Variants in SLCO3A1 observed in about 807,000 individuals in gnomAD.
SLCO3A1 encodes the protein solute carrier organic anion transporter family member 3A1, also known as PGE1 transporter.
SLCO3A1 carries 27 observed loss-of-function variants against 63.1 expected under a neutral mutation model. The observed-to-expected ratio is 0.43, with a 90% CI of 0.32 to 0.59. The LOEUF (loss-of-function observed/expected upper bound fraction) is 0.59. Ranked by LOEUF, SLCO3A1 falls within the 20% of genes least tolerant of loss-of-function variation. The probability of loss-of-function intolerance (pLI) is 0.09; values close to 1 mark genes in which losing one functional copy is unlikely to be tolerated. For missense variants in SLCO3A1, 773 were observed against 945.8 expected (o/e 0.82, Z 2.40); for synonymous variants, 473 against 409.9 (o/e 1.15, Z -1.86).
intron 2 of SLCO3A1, among the ~76,000 whole-genome samples, chr15:92,049,952 G>A (rs1001950970): frequency 9.2e-5 from 14 of 152,168 alleles, no homozygotes; most frequent in Non-Finnish European, 8.8e-5. Context: ...GAACCTGAAG[G>A]AGCAGCAAAT....
intron 7 of SLCO3A1, among the ~76,000 whole-genome samples, chr15:92,134,757 A>C (rs1448586630): frequency 1.3e-5 from 2 of 152,200 alleles, no homozygotes; most frequent in Admixed American, 1.3e-4. Context: ...AGATTTTTTT[A>C]ATTTAAAAAA....
At chr15:92,103,054 A>G (rs947636132) in intron 3 of SLCO3A1, among the ~76,000 whole-genome samples, 13 of 152,246 alleles carry the variant, frequency 8.5e-5, no homozygotes, top group African/African-American at 1.2e-4. Flanking sequence ...GAAGCCCTCA[A>G]TAAACGATGG....
intron 6 of SLCO3A1, among the ~76,000 whole-genome samples, chr15:92,126,953 G>T (rs1347615090): frequency 2.6e-5 from 4 of 152,220 alleles, no homozygotes; most frequent in African/African-American, 4.8e-5. Flanking sequence ...CAGGTTACCA[G>T]TTTCTCTCTC....
chr15:91,866,756 T>C (rs1897175846), intron 1 of SLCO3A1, among the ~76,000 whole-genome samples: 1 of 151,996 alleles, frequency 6.6e-6, no homozygotes, highest in Non-Finnish European at 1.5e-5. Flanking sequence ...CATTAATGAC[T>C]CATTCATTAG....
chr15:91,931,355 A>G (rs1219528571), intron 2 of SLCO3A1, among the ~76,000 whole-genome samples: 1 of 152,202 alleles, frequency 6.6e-6, no homozygotes, highest in Non-Finnish European at 1.5e-5. Flanking sequence ...AAGCATTTTC[A>G]GAATTTGCCG....
chr15:92,083,597 A>G (rs1489980141), intron 2 of SLCO3A1, among the ~76,000 whole-genome samples: 2 of 152,200 alleles, frequency 1.3e-5, no homozygotes, highest in South Asian at 4.1e-4. Flanking sequence ...TCTTCAGAGA[A>G]TCGTATTTGT....
rs1206702977 is a variant in SLCO3A1, at chr15:91,926,602, C to T, written c.646+10144C>T. Among the ~76,000 whole-genome samples the T allele has an allele frequency of 6.8e-3, 238 of 34,876 alleles. 4 individuals carry two copies. The highest frequency in any genetic ancestry group is 0.041 in the African/African-American group (216 of 5,294). The allele number at this position is 34,876 out of a possible 152,430, so 22.9% of individuals were successfully genotyped here. ...GTGTGTGTGTGTGTGTGTGTGCGCG[C>T]GCGCACGCCCATGCTTATTTTAAAC... On this transcript the variant is annotated intron_variant, in intron 2 of 9. Transcript: ENST00000318445.
chr15:92,117,603 A>G (rs867122935), intron 4 of SLCO3A1, among the ~76,000 whole-genome samples: 49 of 152,170 alleles, frequency 3.2e-4, no homozygotes, highest in South Asian at 8.3e-4. Context: ...CATTACAAGG[A>G]GGCGCTGTTA....
chr15:92,127,791 A>G (rs761300951), intron 6 of SLCO3A1, among the ~76,000 whole-genome samples: 1 of 152,218 alleles, frequency 6.6e-6, no homozygotes, highest in African/African-American at 2.4e-5. Context: ...TAATTATTGA[A>G]GTCAGTCTGG....
chr15:91,973,171 GGGT>G (rs1344858689), intron 2 of SLCO3A1, among the ~76,000 whole-genome samples: 3 of 152,190 alleles, frequency 2.0e-5, no homozygotes, highest in Non-Finnish European at 2.9e-5. Flanking sequence ...TGAGGCAAAA[GGGT>G]GGGGATTGCA....
intron 1 of SLCO3A1, among the ~76,000 whole-genome samples, chr15:91,861,474 G>C (rs115390316): frequency 4.6e-5 from 7 of 151,568 alleles, no homozygotes; most frequent in African/African-American, 1.2e-4. Flanking sequence ...TAACAGCCTC[G>C]TTATTTCCCA....
chr15:92,029,623 C>T (rs755190712), intron 2 of SLCO3A1, among the ~76,000 whole-genome samples: 8 of 151,516 alleles, frequency 5.3e-5, no homozygotes, highest in Non-Finnish European at 1.0e-4. Context: ...TCCTACAACC[C>T]AGGGAAAAAG....
chr15:92,054,685 A>C (rs1264260884), intron 2 of SLCO3A1, among the ~76,000 whole-genome samples: 1 of 149,064 alleles, frequency 6.7e-6, no homozygotes, highest in Non-Finnish European at 1.5e-5. Flanking sequence ...TCCCATTATG[A>C]GTGAGAATAT....
At chr15:91,901,041 G>C (rs1386846325) in intron 1 of SLCO3A1, among the ~76,000 whole-genome samples, 1 of 152,032 alleles carries the variant, frequency 6.6e-6, no homozygotes, top group East Asian at 1.9e-4. Context: ...CTGCCATTTT[G>C]TGATTTGTTT....
At chr15:92,166,048 GTTTTTTGTTT>G (rs1011696330), downstream of SLCO3A1, 55 of 332,068 alleles carry the variant, frequency 1.7e-4, 1 homozygote, top group African/African-American at 7.0e-4. Context: ...GTTTTGTTTT[GTTTTTTGTTT>G]TGTTTTGTTT....
At chr15:91,919,586 T>C (rs906428991) in intron 2 of SLCO3A1, among the ~76,000 whole-genome samples, 2 of 152,258 alleles carry the variant, frequency 1.3e-5, no homozygotes, top group Non-Finnish European at 2.9e-5. Context: ...GAATCCATTC[T>C]TTGGGAGTCT....
At chr15:92,148,963 TAGG>T (rs2048268176) in intron 8 of SLCO3A1, 2 of 152,266 alleles carry the variant, frequency 1.3e-5, no homozygotes, top group African/African-American at 4.8e-5. Flanking sequence ...ATCTCATGTA[TAGG>T]TTTTAGGTGG....
At chr15:91,976,231 A>T (rs571804948) in intron 2 of SLCO3A1, among the ~76,000 whole-genome samples, 2 of 152,328 alleles carry the variant, frequency 1.3e-5, no homozygotes, top group East Asian at 3.9e-4. Context: ...ATACACAGAG[A>T]ATTTCAAAGA....
chr15:92,153,490 C>G (rs1429202169), intron 9 of SLCO3A1: 1 of 152,210 alleles, frequency 6.6e-6, no homozygotes, highest in African/African-American at 2.4e-5. Flanking sequence ...AATTCCCTTT[C>G]TTGCAGGACC....
Sources: gnomAD v4.1 joint callset for allele counts (sites outside exome capture counted in the v4.1 genomes callset) on GRCh38, gnomAD v4.1.1 for gene constraint, MANE v1.5 for transcripts, NCBI Gene and HGNC (gene_info 2026-07-23, HGNC 2026-07-21) for gene names.